The following FRMD4A variants were observed in gnomAD, a reference collection of about 807,000 sequenced individuals.
FRMD4A encodes the protein FERM domain-containing protein 4A.
Under a neutral mutation model 129.1 loss-of-function variants are expected in FRMD4A, and 29 were observed. The ratio of observed to expected loss-of-function variants is 0.22; its 90% confidence interval spans 0.17 to 0.31. FRMD4A has a LOEUF of 0.31. Ranked by LOEUF, FRMD4A falls within the 10% of genes least tolerant of loss-of-function variation. FRMD4A has a pLI of 1.00. For missense variants in FRMD4A, 1,272 were observed against 1,375.8 expected, an observed-to-expected ratio of 0.92 and a Z score of 1.19; for synonymous variants, 634 against 571.6, an observed-to-expected ratio of 1.11 and a Z score of -1.56.
intron 2 of FRMD4A, among the ~76,000 whole-genome samples, chr10:14,194,971 G>T (rs12570879): frequency 0.24 from 37,068 of 151,970 alleles, 4,766 homozygotes; most frequent in Admixed American, 0.3. Context: ...TAAGAGAAGT[G>T]CCCCTATTTC....
chr10:14,154,112 A>G (rs1378014886), intron 2 of FRMD4A, among the ~76,000 whole-genome samples: 1 of 152,150 alleles, frequency 6.6e-6, no homozygotes, highest in African/African-American at 2.4e-5. Context: ...AGTATCTGGC[A>G]GTGACGCCCG....
intron 2 of FRMD4A, among the ~76,000 whole-genome samples, chr10:14,158,111 T>G (rs1840691311): frequency 6.6e-6 from 1 of 151,952 alleles, no homozygotes; most frequent in South Asian, 2.1e-4. Context: ...TAAAGAGCCT[T>G]GAATGTCATA....
intron 2 of FRMD4A, among the ~76,000 whole-genome samples, chr10:14,178,081 T>A (rs1841793601): frequency 6.6e-6 from 1 of 152,194 alleles, no homozygotes; most frequent in Admixed American, 6.5e-5. Context: ...GAAGTACTAT[T>A]CTTACTGCTA....
chr10:14,184,664 G>T (rs1415591962), intron 2 of FRMD4A, among the ~76,000 whole-genome samples: 2 of 152,132 alleles, frequency 1.3e-5, no homozygotes, highest in East Asian at 3.9e-4. Flanking sequence ...TCCAGGCCGG[G>T]CAGAGCATGG....
intron 2 of FRMD4A, chr10:14,083,159 A>G (rs1351474971): frequency 6.6e-6 from 1 of 152,162 alleles, no homozygotes; most frequent in Non-Finnish European, 1.5e-5. Context: ...ACCTCAGGTA[A>G]TTTTGGTGCA....
chr10:14,192,668 C>T (rs555841816), intron 2 of FRMD4A, among the ~76,000 whole-genome samples: 1 of 152,336 alleles, frequency 6.6e-6, no homozygotes, highest in East Asian at 1.9e-4. Flanking sequence ...GTTCCCTCCA[C>T]AGTATTATAC....
At chr10:13,896,543 A>G (rs1471182483) in intron 2 of FRMD4A, among the ~76,000 whole-genome samples, 2 of 152,100 alleles carry the variant, frequency 1.3e-5, no homozygotes, top group Non-Finnish European at 2.9e-5. Flanking sequence ...AGGGGAGGGA[A>G]AGCATTAGGA....
intron 2 of FRMD4A, among the ~76,000 whole-genome samples, chr10:14,248,150 G>A (rs148487668): frequency 6.6e-5 from 10 of 151,958 alleles, no homozygotes; most frequent in African/African-American, 2.4e-4. Flanking sequence ...AGGCATAAGT[G>A]CCTTGTAAAC....
intron 3 of FRMD4A, among the ~76,000 whole-genome samples, chr10:13,844,664 G>C (rs1437506190): frequency 6.6e-6 from 1 of 152,180 alleles, no homozygotes; most frequent in Non-Finnish European, 1.5e-5. Context: ...CTAAAAGAAA[G>C]AAATTCTTGA....
intron 2 of FRMD4A, among the ~76,000 whole-genome samples, chr10:14,043,464 T>C (rs976205680): frequency 1.3e-5 from 2 of 152,210 alleles, no homozygotes; most frequent in Non-Finnish European, 2.9e-5. Context: ...TTTCTTGAAT[T>C]CTCCCATTTC....
intron 2 of FRMD4A, among the ~76,000 whole-genome samples, chr10:14,209,708 G>A (rs1385193847): frequency 2.1e-5 from 3 of 139,828 alleles, no homozygotes; most frequent in Non-Finnish European, 4.6e-5. Flanking sequence ...GCGACAGAGC[G>A]AGACTGTCTC....
intron 8 of FRMD4A, among the ~76,000 whole-genome samples, chr10:13,750,667 T>C (rs2091574616): frequency 1.3e-5 from 2 of 152,136 alleles, no homozygotes; most frequent in South Asian, 2.1e-4. Flanking sequence ...GTAAGAGGAA[T>C]GTCAGGGGCA....
intron 2 of FRMD4A, among the ~76,000 whole-genome samples, chr10:14,013,096 G>T (rs1049153684): frequency 6.6e-6 from 1 of 152,048 alleles, no homozygotes; most frequent in Non-Finnish European, 1.5e-5. Context: ...GAAAGAGATG[G>T]GAAGGTGACC....
At chr10:13,873,490 C>T (rs1398298788) in intron 2 of FRMD4A, among the ~76,000 whole-genome samples, 1 of 152,168 alleles carries the variant, frequency 6.6e-6, no homozygotes, top group Non-Finnish European at 1.5e-5. Context: ...ATTTTTCGTG[C>T]ACTACAAGTT....
rs1014259195 is a variant in FRMD4A, at chr10:13,866,277, T to C, written c.46-7365A>G. On this transcript the variant is annotated intron_variant, in intron 2 of 24. Transcript: ENST00000357447. ...GTGACTTACCGCTGACAGCACGTCTTCCCCGAGCACAGTCCCTTAAACCAC... is the reference window on the plus strand; with the variant it reads ...GTGACTTACCGCTGACAGCACGTCTCCCCCGAGCACAGTCCCTTAAACCAC... 7.1e-6 allele frequency: 7 copies of C among 982,380 alleles called. No individual in the cohort carries two copies. In the African/African-American group the frequency reaches 8.7e-5, roughly 12 times the overall value. The allele number at this position is 982,380 out of a possible 1,614,324, so 60.9% of individuals were successfully genotyped here. A position where few individuals can be genotyped will look rare whatever the true frequency, so the allele number is the denominator to read the frequency against.
chr10:14,162,201 G>C (rs1020923777), intron 2 of FRMD4A, among the ~76,000 whole-genome samples: 5 of 151,978 alleles, frequency 3.3e-5, no homozygotes, highest in Non-Finnish European at 5.9e-5. Flanking sequence ...CATTTCAAGG[G>C]CTCGATAGTC....
At chr10:13,870,328 TC>T (rs1216984818) in intron 2 of FRMD4A, among the ~76,000 whole-genome samples, 1 of 152,192 alleles carries the variant, frequency 6.6e-6, no homozygotes, top group Non-Finnish European at 1.5e-5. Flanking sequence ...CCTCACCAGA[TC>T]CCTTTTTTTC....
At chr10:14,279,182 A>ATTTTTTTTTT (rs1223887250) in intron 2 of FRMD4A, among the ~76,000 whole-genome samples, 24 of 99,620 alleles carry the variant, frequency 2.4e-4, no homozygotes, top group Non-Finnish European at 3.1e-4. Flanking sequence ...AGGAAGCGGG[A>ATTTTTTTTTT]TTTTTTTTTT....
At chr10:13,922,729 T>A (rs543965493) in intron 2 of FRMD4A, among the ~76,000 whole-genome samples, 1 of 152,354 alleles carries the variant, frequency 6.6e-6, no homozygotes, top group South Asian at 2.1e-4. Context: ...CAGTTAAAAA[T>A]TATTTAGAAA....
Sources: allele counts gnomAD v4.1 joint callset (sites outside exome capture counted in the v4.1 genomes callset), GRCh38; gene constraint gnomAD v4.1.1; transcripts MANE v1.5; gene names NCBI Gene and HGNC (gene_info 2026-07-23, HGNC 2026-07-21).